Variants in DCLK1 observed in about 807,000 individuals in gnomAD.
The protein encoded by DCLK1 is serine/threonine-protein kinase DCLK1.
DCLK1 carries 16 observed loss-of-function variants against 86.2 expected under a neutral mutation model. That is an observed-to-expected ratio of 0.19 (90% CI 0.13 to 0.28). The LOEUF (loss-of-function observed/expected upper bound fraction) is 0.28. Among genes scored for constraint, DCLK1 ranks in the 10% least tolerant of loss-of-function variants. DCLK1 has a pLI of 1.00. For missense variants in DCLK1, 590 were observed against 940.2 expected, an observed-to-expected ratio of 0.63 and a Z score of 4.87; for synonymous variants, 369 against 370.5, an observed-to-expected ratio of 1.00 and a Z score of 0.05.
Position 35,810,882 on chromosome 13 carries a change from G to C in DCLK1, c.1641C>G (p.Val547=), listed in dbSNP as rs1566544698. 2 of 1,614,064 alleles carry C rather than the reference G, an allele frequency of 1.2e-6. No homozygotes were observed. The highest frequency in any genetic ancestry group is 1.7e-5 in the Admixed American group (1 of 60,008). The change falls in exon 12 of 17, where the codon GTC becomes GTG. Residue 547 remains valine, a synonymous_variant. Transcript: ENST00000360631. ...ATIVDGPLYT[V]CGTPTYVAPE... is the part of the protein sequence containing the mutation. Reference sequence around the variant, plus strand: ...GAGCCACGTATGTTGGGGTGCCACAGACTGTGTACAGGGGGCCGTCTACAA... The same window carrying C: ...GAGCCACGTATGTTGGGGTGCCACACACTGTGTACAGGGGGCCGTCTACAA...
Position 35,890,330 on chromosome 13 carries a change from T to C in DCLK1, c.824-18990A>G, listed in dbSNP as rs73518627. 8.6e-3 allele frequency among the ~76,000 whole-genome samples: 1,307 copies of C among 152,224 alleles called. 24 individuals carry two copies. Among genetic ancestry groups the C allele is most frequent in the African/African-American group, 0.03 (1,238 of 41,552 alleles). On this transcript the variant is annotated intron_variant, in intron 4 of 16. Transcript: ENST00000360631. ...TGTGTTTTCCGGTATAAAAATGGGA[T>C]ACAAAACATAATATTGATAACTTTG...
rs529911816 is a variant in DCLK1 at position 35,941,072 on chromosome 13, G to C, written c.823+6286C>G. 3.4e-4 allele frequency among the ~76,000 whole-genome samples: 52 copies of C among 152,276 alleles called. 1 individual carries two copies. Among genetic ancestry groups the C allele is most frequent in the African/African-American group, 1.3e-3 (52 of 41,572 alleles). On this transcript the variant is annotated intron_variant, in intron 4 of 16. Transcript: ENST00000360631. ...AATAGGAAGCAGGCTTGGAGATGTA[G>C]AGACCACACAGAAAGTAGGACATAG...
intron 3 of DCLK1, among the ~76,000 whole-genome samples, chr13:35,953,113 T>C (rs894438497): frequency 8.5e-5 from 13 of 152,236 alleles, no homozygotes; most frequent in Admixed American, 7.8e-4. Flanking sequence ...CTGTATACAT[T>C]ACTACATTTC....
chr13:35,955,855 AG>A (rs1209811201), intron 3 of DCLK1, among the ~76,000 whole-genome samples: 4 of 152,338 alleles, frequency 2.6e-5, no homozygotes, highest in African/African-American at 9.6e-5. Context: ...AGTAAGGCAT[AG>A]TAGGTAGGTC....
At chr13:35,817,367 G>T (rs1016455768) in intron 11 of DCLK1, among the ~76,000 whole-genome samples, 3 of 152,080 alleles carry the variant, frequency 2.0e-5, no homozygotes, top group African/African-American at 7.2e-5. Context: ...CAAATTCAGA[G>T]AGTAGAATTT....
At chr13:35,787,969 A>T in intron 16 of DCLK1, 1 of 502,590 alleles carries the variant, frequency 2.0e-6, no homozygotes, top group Non-Finnish European at 3.6e-6. Context: ...TTTAACCATA[A>T]GGAAAATTGA....
chr13:35,796,327 C>T (rs557413327), intron 15 of DCLK1, among the ~76,000 whole-genome samples: 24 of 152,202 alleles, frequency 1.6e-4, no homozygotes, highest in African/African-American at 5.8e-4. Flanking sequence ...ATGAAAGAAA[C>T]TTGAGCATAA....
chr13:36,047,070 A>G (rs1166384965), intron 3 of DCLK1, among the ~76,000 whole-genome samples: 3 of 152,242 alleles, frequency 2.0e-5, no homozygotes, highest in Non-Finnish European at 1.5e-5. Flanking sequence ...GCCAACAGGT[A>G]TACAAAAATA....
intron 3 of DCLK1, among the ~76,000 whole-genome samples, chr13:36,029,509 G>A (rs575060665): frequency 2.6e-5 from 4 of 152,156 alleles, no homozygotes; most frequent in African/African-American, 9.6e-5. Flanking sequence ...TATTAGCATG[G>A]TGCCAAGGTA....
chr13:35,945,529 C>T lies in DCLK1; in HGVS notation c.823+1829G>A, dbSNP rs563818581. Among the ~76,000 whole-genome samples, 6 of 152,252 alleles carry T rather than the reference C, an allele frequency of 3.9e-5. No individual in the cohort carries two copies. The South Asian group carries it at 8.3e-4, about 21-fold the overall frequency. On this transcript the variant is annotated intron_variant, in intron 4 of 16. Transcript: ENST00000360631. ...TTTGAAAAAGACATGTATTCCAGGT[C>T]GAGTTTGACAGGCTGTTTTCTATAT...
At chr13:35,961,560 AG>A (rs1878465060) in intron 3 of DCLK1, among the ~76,000 whole-genome samples, 1 of 152,234 alleles carries the variant, frequency 6.6e-6, no homozygotes, top group Non-Finnish European at 1.5e-5. Flanking sequence ...TGAAGAATAC[AG>A]TGCAATAACT....
intron 3 of DCLK1, among the ~76,000 whole-genome samples, chr13:36,066,739 T>C (rs1253659129): frequency 2.6e-5 from 4 of 151,942 alleles, no homozygotes; most frequent in Non-Finnish European, 1.5e-5. Context: ...CATCAACAAG[T>C]GGGCGAAGGA....
chr13:35,955,715 G>T (rs559297799), intron 3 of DCLK1, among the ~76,000 whole-genome samples: 1 of 152,060 alleles, frequency 6.6e-6, no homozygotes, highest in Non-Finnish European at 1.5e-5. Flanking sequence ...ATGTAAAATG[G>T]ACCTACCAAT....
intron 5 of DCLK1, among the ~76,000 whole-genome samples, chr13:35,868,333 C>A (rs1872007809): frequency 6.6e-6 from 1 of 152,066 alleles, no homozygotes; most frequent in Non-Finnish European, 1.5e-5. Context: ...ACCTACAGCT[C>A]TTAACAACAA....
intron 6 of DCLK1, chr13:35,847,892 C>A: frequency 1.0e-6 from 1 of 985,254 alleles, no homozygotes; most frequent in Non-Finnish European, 1.2e-6. Context: ...AGATTTTTCC[C>A]CCTGCCTAGT....
intron 6 of DCLK1, chr13:35,847,958 T>C (rs1870334168): frequency 1.6e-5 from 16 of 985,174 alleles, no homozygotes; most frequent in Admixed American, 6.2e-5. Context: ...GTCTTTTGAG[T>C]TCACACTGAA....
intron 15 of DCLK1, among the ~76,000 whole-genome samples, chr13:35,796,111 G>A (rs1449456600): frequency 1.3e-5 from 2 of 152,062 alleles, no homozygotes; most frequent in Non-Finnish European, 2.9e-5. Flanking sequence ...ATCATGTCTT[G>A]GCAGAGTGTC....
chr13:36,044,455 A>C (rs2153155832), intron 3 of DCLK1, among the ~76,000 whole-genome samples: 1 of 152,318 alleles, frequency 6.6e-6, no homozygotes, highest in Middle Eastern at 3.4e-3. Context: ...GCATAGGGGA[A>C]TGTAGGCTTC....
chr13:35,827,103 AG>A lies in DCLK1; in HGVS notation c.1407+531del, dbSNP rs141737058. Among the ~76,000 whole-genome samples the A allele has an allele frequency of 4.1e-3, 632 of 152,358 alleles. 3 individuals are homozygous for A. The highest frequency in any genetic ancestry group is 0.015 in the African/African-American group (614 of 41,582). The stretch of plus-strand genomic sequence containing the variant: ...GATAGTTTGTTTTCATAGAATAAGA[AG>A]GTAATATTATGTGACAGGATGAGAT... On this transcript the variant is annotated intron_variant, in intron 10 of 16. Transcript: ENST00000360631.
Sources: gnomAD v4.1 joint callset for allele counts (sites outside exome capture counted in the v4.1 genomes callset) on GRCh38, gnomAD v4.1.1 for gene constraint, MANE v1.5 for transcripts, NCBI Gene and HGNC (gene_info 2026-07-23, HGNC 2026-07-21) for gene names.